SGCG: variants seen among roughly 807,000 people sequenced by gnomAD.
The protein encoded by SGCG is gamma-sarcoglycan.
Under a neutral mutation model 29.3 loss-of-function variants are expected in SGCG, and 26 were observed. The observed-to-expected ratio is 0.89, with a 90% CI of 0.65 to 1.23. The LOEUF is 1.23. Ranked by LOEUF, SGCG falls within the 50% of genes most tolerant of loss-of-function variation. The pLI is 0.00. For synonymous variants in SGCG, 145 were observed against 129.7 expected (o/e 1.12, Z -0.80); for missense variants, 353 against 356.0 (o/e 0.99, Z 0.07).
At chr13:23,285,940 C>G (rs953621594) in intron 5 of SGCG, among the ~76,000 whole-genome samples, 1 of 152,188 alleles carries the variant, frequency 6.6e-6, no homozygotes, top group East Asian at 1.9e-4. Flanking sequence ...GGGCTGCACC[C>G]ACTGTCTAAC....
chr13:23,282,776 A>G (rs1036153850), intron 5 of SGCG, among the ~76,000 whole-genome samples: 30 of 152,220 alleles, frequency 2.0e-4, no homozygotes, highest in African/African-American at 7.0e-4. Context: ...CATTGTTAAC[A>G]TTTTGGGCTG....
At chr13:23,313,274 C>T (rs1030092794) in intron 6 of SGCG, among the ~76,000 whole-genome samples, 3 of 151,810 alleles carry the variant, frequency 2.0e-5, no homozygotes, top group African/African-American at 7.3e-5. Context: ...AAGCAATTCT[C>T]CTGCCTCAGC....
intron 2 of SGCG, among the ~76,000 whole-genome samples, chr13:23,215,852 C>G (rs1878406404): frequency 6.6e-6 from 1 of 151,194 alleles, no homozygotes; most frequent in Admixed American, 6.6e-5. Flanking sequence ...TAGCCATCAT[C>G]ATATAGCAAT....
intron 3 of SGCG, among the ~76,000 whole-genome samples, chr13:23,250,364 AAAT>A (rs1384849428): frequency 6.7e-6 from 1 of 150,136 alleles, no homozygotes; most frequent in African/African-American, 2.4e-5. Context: ...ATATTTGTCT[AAAT>A]AATTCATATT....
At chr13:23,308,869 T>G (rs1010343085) in intron 6 of SGCG, among the ~76,000 whole-genome samples, 1 of 152,204 alleles carries the variant, frequency 6.6e-6, no homozygotes, top group South Asian at 2.1e-4. Flanking sequence ...TGGACTGTTT[T>G]TCATGTAAAT....
chr13:23,303,504 G>A (rs759336214), intron 6 of SGCG, among the ~76,000 whole-genome samples: 24 of 152,346 alleles, frequency 1.6e-4, no homozygotes, highest in Admixed American at 9.8e-4. Context: ...GTCAGTGCAC[G>A]GGAACCTCTG....
rs2137528349 is a variant in SGCG, at chr13:23,320,755, GGAAT to G, written c.699_702del (p.Met234LeufsTer45). On this transcript the variant is annotated frameshift_variant and splice_region_variant, in exon 7 of 8. Coordinates refer to ENST00000218867, the MANE Select transcript of SGCG (RefSeq NM_000231.3). LOFTEE classifies it low-confidence loss of function (END_TRUNC). ...GGATATTCTTTTTCATAGTAGTGATGGAATGGTGAGTTCATTCACAGATCAGCCT... is the reference window on the plus strand; with the variant it reads ...GGATATTCTTTTTCATAGTAGTGATGGGTGAGTTCATTCACAGATCAGCCT... 1 of 1,613,424 alleles carries G rather than the reference GGAAT, an allele frequency of 6.2e-7. No homozygotes were observed.
intron 4 of SGCG, among the ~76,000 whole-genome samples, chr13:23,264,663 C>G (rs1010513573): frequency 6.6e-6 from 1 of 152,032 alleles, no homozygotes; most frequent in Non-Finnish European, 1.5e-5. Flanking sequence ...ATCACATTAC[C>G]GGACTTCAAA....
chr13:23,277,413 T>TAA (rs66499459), intron 4 of SGCG, among the ~76,000 whole-genome samples: 1 of 148,098 alleles, frequency 6.8e-6, no homozygotes, highest in African/African-American at 2.5e-5. Context: ...GTGAAGCTTT[T>TAA]AAAAAAAAAA....
At chr13:23,190,721 C>T (rs999190698) in intron 1 of SGCG, among the ~76,000 whole-genome samples, 3 of 152,160 alleles carry the variant, frequency 2.0e-5, no homozygotes, top group Admixed American at 6.5e-5. Flanking sequence ...TTACAATCCA[C>T]CTGTTGTGAG....
chr13:23,300,750 C>G (rs193114558), intron 6 of SGCG, among the ~76,000 whole-genome samples: 3 of 150,208 alleles, frequency 2.0e-5, no homozygotes, highest in Non-Finnish European at 4.4e-5. Flanking sequence ...AGAAGTTATC[C>G]CATCACACAT....
chr13:23,254,701 T>C (rs1880110634), intron 4 of SGCG, among the ~76,000 whole-genome samples: 1 of 152,060 alleles, frequency 6.6e-6, no homozygotes, highest in South Asian at 2.1e-4. Context: ...CCTGAAGACA[T>C]TTCAGAGATC....
chr13:23,206,535 A>G (rs1877987499), intron 2 of SGCG, among the ~76,000 whole-genome samples: 1 of 152,130 alleles, frequency 6.6e-6, no homozygotes, highest in Admixed American at 6.5e-5. Flanking sequence ...ATTGATATAC[A>G]TTTTCTTTAT....
intron 5 of SGCG, among the ~76,000 whole-genome samples, chr13:23,291,613 T>C (rs1881707294): frequency 6.6e-6 from 1 of 152,236 alleles, no homozygotes. Flanking sequence ...CTGCTGCTCT[T>C]ATTTAAAGAT....
chr13:23,320,700 C>A lies in SGCG; in HGVS notation c.642C>A (p.His214Gln). Residue 214 changes from histidine to glutamine, a missense_variant, in exon 7 of 8, where the codon CAC becomes CAA. By Grantham distance (24) the His-to-Gln change is conservative. Transcript: ENST00000218867. ...DAPRGVHIQA[H>Q]AGKIEALSQM... ...CAAGGGGTGTGCATATTCAAGCTCA[C>A]GCTGGGAAAATTGAGGCGCTTTCTC... 6.2e-7 allele frequency: 1 copy of A among 1,611,298 alleles called. No individual in the cohort carries two copies. The highest frequency in any genetic ancestry group is 1.1e-5 in the South Asian group (1 of 90,814).
At position 23,250,762 on chromosome 13, in the gene SGCG, G is replaced by A. The variant is rs541529435; in HGVS notation, c.385+45G>A. ...GGTGCTTTGCATGCATGTTGTCCAT[G>A]AATAGTGCTAAATGAATGCATTGTT... On this transcript the variant is annotated intron_variant, in intron 4 of 7. Transcript: ENST00000218867. The A allele has an allele frequency of 2.9e-5, 31 of 1,071,296 alleles. No individual in the cohort carries two copies. In the South Asian group the frequency reaches 3.8e-4, roughly 13 times the overall value. 66.4% of individuals were successfully genotyped at this position (1,071,296 alleles called of 1,614,324 possible). A position where few individuals can be genotyped will look rare whatever the true frequency, so the allele number is the denominator to read the frequency against.
At chr13:23,207,266 T>G (rs145386225) in intron 2 of SGCG, among the ~76,000 whole-genome samples, 1 of 152,206 alleles carries the variant, frequency 6.6e-6, no homozygotes, top group Non-Finnish European at 1.5e-5. Flanking sequence ...GATTTTCACA[T>G]GCAAAAGAAT....
intron 5 of SGCG, among the ~76,000 whole-genome samples, chr13:23,291,151 A>G (rs1007993828): frequency 3.9e-5 from 6 of 152,212 alleles, no homozygotes; most frequent in African/African-American, 1.2e-4. Flanking sequence ...ACATATTCTA[A>G]AAATAAAAAA....
At chr13:23,286,996 C>A (rs972542150) in intron 5 of SGCG, among the ~76,000 whole-genome samples, 1 of 152,182 alleles carries the variant, frequency 6.6e-6, no homozygotes, top group Non-Finnish European at 1.5e-5. Context: ...ATAGCTTTAT[C>A]GCCAATGGTA....
Sources: gnomAD v4.1 joint callset for allele counts (sites outside exome capture counted in the v4.1 genomes callset) on GRCh38, gnomAD v4.1.1 for gene constraint, MANE v1.5 for transcripts, NCBI Gene and HGNC (gene_info 2026-07-23, HGNC 2026-07-21) for gene names.